The following TSPEAR variants were observed in gnomAD, a reference collection of about 807,000 sequenced individuals.
TSPEAR encodes thrombospondin-type laminin G domain and EAR repeat-containing protein.
A neutral mutation model predicts 71.6 loss-of-function variants in TSPEAR; 69 were observed. That is an observed-to-expected ratio of 0.96 (90% CI 0.79 to 1.18). The LOEUF is 1.18. Ranked by LOEUF, TSPEAR falls within the 50% of genes most tolerant of loss-of-function variation. TSPEAR has a pLI of 0.00. For synonymous variants in TSPEAR, 402 were observed against 387.2 expected, an observed-to-expected ratio of 1.04 and a Z score of -0.45; for missense variants, 971 against 894.9, an observed-to-expected ratio of 1.09 and a Z score of -1.09.
chr21:44,521,870 C>G lies in TSPEAR; in HGVS notation c.1566+13G>C. 6.2e-7 allele frequency: 1 copy of G among 1,610,540 alleles called. No individual in the cohort carries two copies. Among genetic ancestry groups the G allele is most frequent in the Non-Finnish European group, 8.5e-7 (1 of 1,177,738 alleles). On this transcript the variant is annotated intron_variant, in intron 9 of 11. Transcript: ENST00000323084. The stretch of plus-strand genomic sequence containing the variant: ...CAGCAATGGAGAGCCGGGGCTCATG[C>G]GGGGGGCCTTACCGGGAAGGACTGG...
intron 1 of TSPEAR, among the ~76,000 whole-genome samples, chr21:44,688,247 G>A (rs1986950192): frequency 6.6e-6 from 1 of 152,120 alleles, no homozygotes; most frequent in South Asian, 2.1e-4. Context: ...ACGGTGGATC[G>A]CAGGTCAGCC....
intron 1 of TSPEAR, among the ~76,000 whole-genome samples, chr21:44,648,431 T>A (rs1984569395): frequency 6.6e-6 from 1 of 152,170 alleles, no homozygotes; most frequent in Non-Finnish European, 1.5e-5. Context: ...CTCATAAATC[T>A]CTCAGTCTTC....
chr21:44,579,761 C>T, intron 1 of TSPEAR: 1 of 1,609,462 alleles, frequency 6.2e-7, no homozygotes, highest in Non-Finnish European at 8.5e-7. Context: ...TGAGCAGAGG[C>T]CTCAGCAGGC....
At chr21:44,632,945 C>T (rs988958727) in intron 1 of TSPEAR, among the ~76,000 whole-genome samples, 2 of 152,208 alleles carry the variant, frequency 1.3e-5, no homozygotes, top group Non-Finnish European at 2.9e-5. Flanking sequence ...AGGTTATCTA[C>T]ATTATGAATG....
At position 44,612,014 on chromosome 21, in the gene TSPEAR, C is replaced by T. The variant is rs1555931008; in HGVS notation, c.83-44009G>A. On this transcript the variant is annotated intron_variant, in intron 1 of 11. Transcript: ENST00000323084. This position sits in a 1 kb window ranked among gnomAD's most constrained non-coding sequence, Gnocchi z 4.1. ...GTGAGACTCCTGTGAGGAAAATACC[C>T]AGGGAGGGTATAAAACCTCAGCAGC... 27 of 1,375,086 alleles carry T rather than the reference C, an allele frequency of 2.0e-5. No individual in the cohort carries two copies. Among genetic ancestry groups the T allele is most frequent in the African/African-American group, 2.9e-5 (2 of 69,832 alleles). 85.2% of individuals were successfully genotyped at this position (1,375,086 alleles called of 1,614,324 possible).
intron 1 of TSPEAR, among the ~76,000 whole-genome samples, chr21:44,665,584 A>AT (rs1301656931): frequency 1.3e-5 from 2 of 152,126 alleles, no homozygotes; most frequent in Non-Finnish European, 2.9e-5. Context: ...ACTCAACTCT[A>AT]TTTTTTCTAG....
chr21:44,677,995 C>A, intron 1 of TSPEAR: 2 of 1,027,296 alleles, frequency 1.9e-6, no homozygotes, highest in Non-Finnish European at 3.0e-6. Flanking sequence ...AGAGTATCGG[C>A]GGCATGGTCA....
chr21:44,619,142 C>G (rs1463390168), intron 1 of TSPEAR, among the ~76,000 whole-genome samples: 2 of 151,722 alleles, frequency 1.3e-5, no homozygotes, highest in African/African-American at 4.9e-5. Context: ...TCACAAACTC[C>G]CCAGCCGAGT....
At chr21:44,601,135 T>C (rs1419804866) in intron 1 of TSPEAR, 7 of 1,600,738 alleles carry the variant, frequency 4.4e-6, no homozygotes, top group East Asian at 2.3e-5. Context: ...TTCCTCTTCG[T>C]GCTGCCAGCA....
chr21:44,568,908 T>G (rs1444771990), intron 1 of TSPEAR, among the ~76,000 whole-genome samples: 8 of 152,286 alleles, frequency 5.3e-5, no homozygotes, highest in Admixed American at 3.9e-4. Context: ...CCCTCTAGGG[T>G]TCATCTTCCC....
chr21:44,563,143 G>A (rs868928871), intron 2 of TSPEAR, among the ~76,000 whole-genome samples: 1 of 152,206 alleles, frequency 6.6e-6, no homozygotes, highest in African/African-American at 2.4e-5. Context: ...ACTGAAGATA[G>A]TAATGTGAAT....
chr21:44,541,646 A>C lies in TSPEAR; in HGVS notation c.304-7723T>G, dbSNP rs9975050. 9.4e-3 allele frequency among the ~76,000 whole-genome samples: 1,426 copies of C among 152,330 alleles called. 23 individuals carry two copies. Among genetic ancestry groups the C allele is most frequent in the African/African-American group, 0.033 (1,369 of 41,556 alleles). Reference sequence around the variant, plus strand: ...GAGCTTTTAGTAGTCTCATGGAATTAGAAGAAAAAAACCACAGAGTTCAGG... The same window carrying C: ...GAGCTTTTAGTAGTCTCATGGAATTCGAAGAAAAAAACCACAGAGTTCAGG... On this transcript the variant is annotated intron_variant, in intron 2 of 11. Coordinates refer to ENST00000323084, the MANE Select transcript of TSPEAR (RefSeq NM_144991.3).
At chr21:44,539,039 G>A (rs782241934) in intron 2 of TSPEAR, 238 of 589,260 alleles carry the variant, frequency 4.0e-4, no homozygotes, top group Admixed American at 8.2e-4. Context: ...GGTTCAAGTC[G>A]AGGCCAAGTG....
At chr21:44,660,586 C>A (rs1365233340) in intron 1 of TSPEAR, among the ~76,000 whole-genome samples, 2 of 152,226 alleles carry the variant, frequency 1.3e-5, no homozygotes, top group Non-Finnish European at 2.9e-5. Context: ...TCATTAACAG[C>A]ACACGTGCAC....
intron 1 of TSPEAR, among the ~76,000 whole-genome samples, chr21:44,569,170 A>G (rs2053750504): frequency 6.6e-6 from 1 of 152,218 alleles, no homozygotes; most frequent in African/African-American, 2.4e-5. Flanking sequence ...TGTGTCCTCC[A>G]GAGAGTGTGA....
intron 2 of TSPEAR, chr21:44,557,713 T>G: frequency 3.0e-6 from 1 of 329,566 alleles, no homozygotes; most frequent in Non-Finnish European, 5.6e-6. Context: ...AAGGCCAGAG[T>G]CCCGAAGCTC....
chr21:44,522,292 C>T (rs1254185415), intron 8 of TSPEAR, among the ~76,000 whole-genome samples, 180 bp from the exon 9 acceptor site: 1 of 152,246 alleles, frequency 6.6e-6, no homozygotes, highest in East Asian at 1.9e-4. Flanking sequence ...CCCTTGCTGA[C>T]TGCACCTCTG....
intron 1 of TSPEAR, among the ~76,000 whole-genome samples, chr21:44,684,990 G>A (rs2329894): frequency 0.64 from 97,554 of 152,058 alleles, 31,459 homozygotes; most frequent in South Asian, 0.72. Flanking sequence ...TTGTGGCCTC[G>A]CCCGGCTTGT....
rs1279233947 is a variant in TSPEAR, at chr21:44,593,543, C to T, written c.83-25538G>A. Among the ~76,000 whole-genome samples, 3 of 152,168 alleles carry T rather than the reference C, an allele frequency of 2.0e-5. No individual in the cohort carries two copies. Among genetic ancestry groups the T allele is most frequent in the African/African-American group, 7.2e-5 (3 of 41,438 alleles). On this transcript the variant is annotated intron_variant, in intron 1 of 11. Transcript: ENST00000323084. The surrounding 1 kb of genome is among the most constrained non-coding windows in gnomAD (Gnocchi z 5.9). ...ATCCCATCTTGCCCACGGGGACCCCCGAAAAACTGCGTTCCTGGCCATGAC... is the reference window on the plus strand; with the variant it reads ...ATCCCATCTTGCCCACGGGGACCCCTGAAAAACTGCGTTCCTGGCCATGAC...
Sources: allele counts gnomAD v4.1 joint callset (sites outside exome capture counted in the v4.1 genomes callset), GRCh38; gene constraint gnomAD v4.1.1; non-coding constraint Gnocchi (gnomAD v3.1); transcripts MANE v1.5; gene names NCBI Gene and HGNC (gene_info 2026-07-23, HGNC 2026-07-21).